GK5: variants seen among roughly 807,000 people sequenced by gnomAD.
GK5 encodes the protein ATP:glycerol 3-phosphotransferase 5.
A neutral mutation model predicts 77.3 loss-of-function variants in GK5; 39 were observed. That is an observed-to-expected ratio of 0.50 (90% CI 0.39 to 0.66). The LOEUF is 0.66. Ranked by LOEUF, GK5 falls within the 30% of genes least tolerant of loss-of-function variation. GK5 has a pLI of 0.00. For synonymous variants in GK5, 211 were observed against 208.0 expected (o/e 1.01, Z -0.13); for missense variants, 487 against 633.8 (o/e 0.77, Z 2.49).
chr3:142,195,006 T>C (rs895603073), intron 5 of GK5, among the ~76,000 whole-genome samples: 1 of 151,856 alleles, frequency 6.6e-6, no homozygotes, highest in African/African-American at 2.4e-5. Flanking sequence ...GTGTCGGCTG[T>C]GGGTTTTTCA....
intron 9 of GK5, chr3:142,185,275 T>C (rs2063753367): frequency 3.0e-6 from 1 of 332,108 alleles, no homozygotes; most frequent in Non-Finnish European, 4.3e-6. Context: ...TAGCCAGGTG[T>C]CGTGGCACAC....
chr3:142,169,385 G>A (rs1383280331), intron 15 of GK5, among the ~76,000 whole-genome samples: 5 of 152,124 alleles, frequency 3.3e-5, no homozygotes, highest in South Asian at 2.1e-4. Flanking sequence ...GATCAACCTC[G>A]ATATCTCATC....
intron 1 of GK5, among the ~76,000 whole-genome samples, chr3:142,216,312 AG>A (rs2064276256): frequency 6.6e-6 from 1 of 152,286 alleles, no homozygotes; most frequent in Admixed American, 6.5e-5. Context: ...TCAAAGAATG[AG>A]AAAGGGAACT....
At position 142,198,928 on chromosome 3, in the gene GK5, A is replaced by T. The variant is rs765759061; in HGVS notation, c.417T>A (p.Phe139Leu). 1.0e-5 allele frequency: 16 copies of T among 1,604,788 alleles called. 1 individual carries two copies. The highest frequency in any genetic ancestry group is 1.2e-5 in the Non-Finnish European group (14 of 1,175,542). The change falls in exon 5 of 16, where the codon TTT becomes TTA. Residue 139 changes from phenylalanine to leucine, a missense_variant. Physicochemically the swap from Phe to Leu is conservative, Grantham distance 22. Transcript: ENST00000392993. ...SWNNSLLMKI[F>L]HSSCRVLHFF... is the part of the protein sequence containing the mutation. ...AGTGAAGCACTCGGCAAGAACTGTG[A>T]AATATCTATATTTTAAAAAACATAT...
intron 12 of GK5, among the ~76,000 whole-genome samples, chr3:142,174,773 T>C (rs770656279): frequency 2.0e-5 from 3 of 152,182 alleles, no homozygotes; most frequent in Non-Finnish European, 2.9e-5. Flanking sequence ...GCTGACTCAG[T>C]GTCTGACTGA....
At chr3:142,178,396 C>A (rs2063650464) in intron 11 of GK5, among the ~76,000 whole-genome samples, 6 of 151,970 alleles carry the variant, frequency 3.9e-5, no homozygotes, top group Admixed American at 3.9e-4. Flanking sequence ...AACAAAAAAA[C>A]CAAGACAATT....
chr3:142,223,246 C>A (rs2064379084), intron 1 of GK5, among the ~76,000 whole-genome samples: 1 of 152,118 alleles, frequency 6.6e-6, no homozygotes, highest in Admixed American at 6.5e-5. Flanking sequence ...TCATTTCTCC[C>A]TTTGGTTCCA....
chr3:142,224,663 C>T (rs1202607662), intron 1 of GK5, among the ~76,000 whole-genome samples: 1 of 152,008 alleles, frequency 6.6e-6, no homozygotes, highest in Non-Finnish European at 1.5e-5. Context: ...AACTGATGAC[C>T]ACACAGCCTT....
At chr3:142,189,980 A>G (rs2063826274) in intron 5 of GK5, among the ~76,000 whole-genome samples, 1 of 152,186 alleles carries the variant, frequency 6.6e-6, no homozygotes, top group East Asian at 1.9e-4. Flanking sequence ...AAACAATAAC[A>G]TGGAAGAAAA....
intron 9 of GK5, 139 bp from the exon 10 acceptor site, chr3:142,183,188 T>A (rs1045210881): frequency 4.7e-5 from 34 of 719,278 alleles, no homozygotes; most frequent in African/African-American, 3.6e-4. Flanking sequence ...AAAAAAAAAA[T>A]CCCAAAGAGA....
intron 1 of GK5, among the ~76,000 whole-genome samples, chr3:142,225,061 G>C (rs939293938): frequency 9.2e-5 from 14 of 152,182 alleles, no homozygotes; most frequent in African/African-American, 3.4e-4. Context: ...AGCGGCCCAG[G>C]TCATACACCG....
chr3:142,171,557 AC>A, intron 13 of GK5, 79 bp from the exon 14 acceptor site: 1 of 969,610 alleles, frequency 1.0e-6, no homozygotes, highest in Non-Finnish European at 1.4e-6. Flanking sequence ...CTTGAAAAAT[AC>A]AAACTATAGT....
intron 1 of GK5, among the ~76,000 whole-genome samples, chr3:142,218,919 T>C (rs2064307989): frequency 6.6e-6 from 1 of 152,136 alleles, no homozygotes; most frequent in African/African-American, 2.4e-5. Context: ...AAGAACTCAA[T>C]TTGAAAATGG....
intron 12 of GK5, among the ~76,000 whole-genome samples, chr3:142,176,808 C>T (rs575751105): frequency 2.6e-4 from 39 of 151,890 alleles, no homozygotes; most frequent in Non-Finnish European, 4.4e-4. Flanking sequence ...ACTACAGGCA[C>T]GTGCCACTAT....
At chr3:142,204,648 A>AG (rs779336620) in intron 4 of GK5, 47 bp downstream of exon 4, 1 of 1,032,750 alleles carries the variant, frequency 9.7e-7, no homozygotes, top group Non-Finnish European at 1.5e-6. Flanking sequence ...GGACATTTAC[A>AG]GAAAAAAAAA....
intron 12 of GK5, among the ~76,000 whole-genome samples, chr3:142,175,322 A>C (rs370287249): frequency 2.0e-5 from 3 of 152,178 alleles, no homozygotes; most frequent in African/African-American, 7.2e-5. Context: ...CCATTCCCTG[A>C]AGTGGCTGTC....
chr3:142,167,463 T>C (rs2063486698), intron 15 of GK5, among the ~76,000 whole-genome samples: 1 of 152,228 alleles, frequency 6.6e-6, no homozygotes, highest in Non-Finnish European at 1.5e-5. Context: ...CAGTATACTA[T>C]AGTTAGATAA....
chr3:142,196,921 C>T (rs1026616295), intron 5 of GK5, among the ~76,000 whole-genome samples: 1 of 152,180 alleles, frequency 6.6e-6, no homozygotes, highest in African/African-American at 2.4e-5. Flanking sequence ...AGCGCGGTGG[C>T]TCTCGCCTGT....
chr3:142,203,862 G>A (rs1185155795), intron 4 of GK5, among the ~76,000 whole-genome samples: 1 of 152,158 alleles, frequency 6.6e-6, no homozygotes, highest in African/African-American at 2.4e-5. Flanking sequence ...TCGAGGAGCT[G>A]GAAAACTGTT....
Sources: allele counts gnomAD v4.1 joint callset (sites outside exome capture counted in the v4.1 genomes callset), GRCh38; gene constraint gnomAD v4.1.1; transcripts MANE v1.5; gene names NCBI Gene and HGNC (gene_info 2026-07-23, HGNC 2026-07-21).